The following TANGO6 variants were observed in gnomAD, a reference collection of about 807,000 sequenced individuals.
TANGO6 encodes transport and Golgi organization protein 6 homolog.
TANGO6 carries 90 observed loss-of-function variants against 114.2 expected under a neutral mutation model. The observed-to-expected ratio is 0.79, with a 90% CI of 0.66 to 0.94. The LOEUF (loss-of-function observed/expected upper bound fraction) is 0.94, where lower values mean the gene tolerates loss of function less well. Ranked by LOEUF, TANGO6 falls within the 40% of genes least tolerant of loss-of-function variation. The probability of loss-of-function intolerance (pLI) is 0.00; values close to 1 mark genes in which losing one functional copy is unlikely to be tolerated. For synonymous variants in TANGO6, 477 were observed against 509.8 expected, an observed-to-expected ratio of 0.94 and a Z score of 0.87; for missense variants, 1,274 against 1,315.3, an observed-to-expected ratio of 0.97 and a Z score of 0.49.
chr16:68,958,257 G>A (rs1263901159), intron 14 of TANGO6, among the ~76,000 whole-genome samples: 5 of 151,510 alleles, frequency 3.3e-5, no homozygotes, highest in African/African-American at 9.7e-5. Flanking sequence ...CTTTGAGAGG[G>A]TGAGGCGGGC....
At chr16:69,026,235 A>G (rs1179894620) in intron 16 of TANGO6, 2 of 152,148 alleles carry the variant, frequency 1.3e-5, no homozygotes, top group Non-Finnish European at 2.9e-5. Context: ...TCCTAACCTC[A>G]AGTGATCCGC....
intron 15 of TANGO6, among the ~76,000 whole-genome samples, chr16:68,995,245 G>A (rs1481884155): frequency 1.3e-5 from 2 of 152,302 alleles, no homozygotes; most frequent in East Asian, 3.9e-4. Flanking sequence ...CTAGTTCAGG[G>A]TCACCTCTTG....
chr16:69,024,770 T>C (rs1959471606), intron 16 of TANGO6, among the ~76,000 whole-genome samples: 1 of 152,150 alleles, frequency 6.6e-6, no homozygotes. Context: ...GAAGATGCCT[T>C]ATAAATTATA....
chr16:68,907,552 G>A lies in TANGO6; in HGVS notation c.1777G>A (p.Asp593Asn). 6.2e-7 allele frequency: 1 copy of A among 1,613,500 alleles called. No individual in the cohort carries two copies. The highest frequency in any genetic ancestry group is 8.5e-7 in the Non-Finnish European group (1 of 1,179,726). Residue 593 changes from aspartate (D) to asparagine (N), a missense_variant, in exon 10 of 18, where the codon GAC becomes AAC. By Grantham distance (23) the Asp-to-Asn change is conservative. Coordinates refer to ENST00000261778, the MANE Select transcript of TANGO6 (RefSeq NM_024562.2). ...SHCQECGLAGDFFIFCLKELT... is the reference protein window; with the variant it reads ...SHCQECGLAGNFFIFCLKELT... The stretch of plus-strand genomic sequence containing the variant: ...CTGCCAGGAATGCGGTTTGGCAGGA[G>A]ACTTCTTCATCTTCTGTTTGAAAGT...
chr16:68,888,134 T>C (rs1030217542), intron 7 of TANGO6, among the ~76,000 whole-genome samples: 1 of 152,130 alleles, frequency 6.6e-6, no homozygotes, highest in Non-Finnish European at 1.5e-5. Flanking sequence ...GCATAAATGA[T>C]TCTCACTTCT....
At chr16:69,074,486 A>G (rs545676188) in intron 17 of TANGO6, among the ~76,000 whole-genome samples, 1 of 152,142 alleles carries the variant, frequency 6.6e-6, no homozygotes, top group African/African-American at 2.4e-5. Context: ...CCTAGATACA[A>G]TACTCGTATA....
At chr16:68,980,011 T>A (rs1007796245) in intron 15 of TANGO6, among the ~76,000 whole-genome samples, 9 of 151,486 alleles carry the variant, frequency 5.9e-5, no homozygotes, top group Admixed American at 5.3e-4. Context: ...GCCCGGCTAA[T>A]TTTTTTTGGT....
chr16:69,079,597 G>A (rs541871143), intron 17 of TANGO6, among the ~76,000 whole-genome samples: 22 of 151,910 alleles, frequency 1.4e-4, no homozygotes, highest in African/African-American at 4.8e-4. Context: ...GAGTTTTTAC[G>A]AATCATTAAG....
At chr16:68,875,936 G>A (rs1268264592) in intron 5 of TANGO6, among the ~76,000 whole-genome samples, 1 of 152,090 alleles carries the variant, frequency 6.6e-6, no homozygotes, top group Non-Finnish European at 1.5e-5. Flanking sequence ...AAATTAACAT[G>A]GCAAACAATT....
chr16:68,927,467 G>T, intron 12 of TANGO6, 101 bp from the exon 13 acceptor site: 1 of 1,314,140 alleles, frequency 7.6e-7, no homozygotes. Context: ...AGCAAGATTT[G>T]ATCCCTGCCC....
intron 12 of TANGO6, among the ~76,000 whole-genome samples, chr16:68,921,292 C>G (rs753338641): frequency 5.3e-5 from 8 of 151,302 alleles, no homozygotes; most frequent in Non-Finnish European, 1.2e-4. Flanking sequence ...AAGCAATTCT[C>G]CTGCCTCAGC....
At chr16:68,991,713 G>A (rs1963947331) in intron 15 of TANGO6, among the ~76,000 whole-genome samples, 2 of 152,120 alleles carry the variant, frequency 1.3e-5, no homozygotes, top group South Asian at 4.1e-4. Flanking sequence ...AGCTACTCGG[G>A]AGGCTGAGGC....
chr16:69,033,363 ATC>A (rs1212102736), intron 16 of TANGO6, among the ~76,000 whole-genome samples: 1 of 152,208 alleles, frequency 6.6e-6, no homozygotes, highest in African/African-American at 2.4e-5. Flanking sequence ...CTTCGTGAGC[ATC>A]TGTTATCTGG....
In TANGO6 at chr16:68,921,049, G is replaced by A. The variant is rs1288421459; in HGVS notation, c.2127+1830G>A. ...ACCTGGGAGGCGGAGGTTGCAGTGG[G>A]CGGAGGTTGCAGTGAGCCGAGATCG... On this transcript the variant is annotated intron_variant, in intron 12 of 17. Transcript: ENST00000261778. 1.9e-4 allele frequency among the ~76,000 whole-genome samples: 29 copies of A among 149,676 alleles called. 1 individual carries two copies. In the East Asian group the frequency reaches 3.8e-3, roughly 20 times the overall value.
At chr16:69,037,869 C>A (rs1959715165) in intron 16 of TANGO6, among the ~76,000 whole-genome samples, 2 of 152,340 alleles carry the variant, frequency 1.3e-5, no homozygotes, top group South Asian at 4.1e-4. Flanking sequence ...TAAGAACAAG[C>A]TAGTTCTTCT....
At chr16:69,032,130 A>T (rs1959604139) in intron 16 of TANGO6, among the ~76,000 whole-genome samples, 1 of 152,086 alleles carries the variant, frequency 6.6e-6, no homozygotes. Flanking sequence ...GAAGAACAGG[A>T]GTTGGCACCA....
At chr16:68,892,103 C>G (rs892856831) in intron 7 of TANGO6, among the ~76,000 whole-genome samples, 3 of 152,218 alleles carry the variant, frequency 2.0e-5, no homozygotes, top group African/African-American at 7.2e-5. Context: ...CAGGTATTTA[C>G]TGAAAGCCAG....
intron 15 of TANGO6, among the ~76,000 whole-genome samples, chr16:68,996,989 G>C (rs952634089): frequency 1.3e-5 from 2 of 152,190 alleles, no homozygotes; most frequent in Admixed American, 6.5e-5. Context: ...GAACAAAAGA[G>C]ATTTGGATTG....
At position 68,902,505 on chromosome 16, in the gene TANGO6, G is replaced by C; in HGVS notation, c.1667+1G>C. On this transcript the variant is annotated splice_donor_variant, in intron 9 of 17. Transcript: ENST00000261778. LOFTEE classifies it high-confidence loss of function. Reference sequence around the variant, plus strand: ...TGATTACCATCAAAGAGGCCATTAGGTGAGTCCACCCATCCGTTACTGTTC... The same window carrying C: ...TGATTACCATCAAAGAGGCCATTAGCTGAGTCCACCCATCCGTTACTGTTC... 2.5e-6 allele frequency: 4 copies of C among 1,607,788 alleles called. No homozygotes were observed. Among genetic ancestry groups the C allele is most frequent in the Non-Finnish European group, 3.4e-6 (4 of 1,177,494 alleles).
Sources: allele counts gnomAD v4.1 joint callset (sites outside exome capture counted in the v4.1 genomes callset), GRCh38; gene constraint gnomAD v4.1.1; transcripts MANE v1.5; gene names NCBI Gene and HGNC (gene_info 2026-07-23, HGNC 2026-07-21).